PTPRO: variants seen among roughly 807,000 people sequenced by gnomAD.
PTPRO encodes the protein receptor-type tyrosine-protein phosphatase O.
Under a neutral mutation model 145.2 loss-of-function variants are expected in PTPRO, and 62 were observed. The ratio of observed to expected loss-of-function variants is 0.43; its 90% CI spans 0.35 to 0.53. PTPRO has a LOEUF of 0.53. Ranked by LOEUF, PTPRO falls within the 20% of genes least tolerant of loss-of-function variation. The probability of loss-of-function intolerance (pLI) is 0.01; values close to 1 mark genes in which losing one functional copy is unlikely to be tolerated. For missense variants in PTPRO, 1,345 were observed against 1,482.7 expected (o/e 0.91, Z 1.53); for synonymous variants, 565 against 514.7 (o/e 1.10, Z -1.32).
At chr12:15,569,553 G>T in intron 19 of PTPRO, 55 bp downstream of exon 19, 1 of 1,488,294 alleles carries the variant, frequency 6.7e-7, no homozygotes, top group Non-Finnish European at 9.4e-7. Context: ...CTGGGAATTG[G>T]GGGGTTTGTG....
Position 15,516,611 on chromosome 12 carries a change from G to GAGGA in PTPRO, c.1586-128_1586-125dup, listed in dbSNP as rs1219439083. 384 of 648,522 alleles carry GAGGA rather than the reference G, an allele frequency of 5.9e-4. 3 individuals carry two copies. In the African/African-American group the frequency reaches 6.6e-3, roughly 11 times the overall value. 40.2% of individuals were successfully genotyped at this position (648,522 alleles called of 1,614,324 possible). On this transcript the variant is annotated intron_variant, in intron 8 of 26. Transcript: ENST00000281171. ...AAGGAAGGGGAGGAAGCAAGAAAGG[G>GAGGA]AGGAAGGAAGGAAGGAAGGAAGGAA...
At position 15,597,213 on chromosome 12, in the gene PTPRO, TGTATAATTAC is replaced by T. The variant is rs1944676029; in HGVS notation, c.*1141_*1150del. On this transcript the variant is annotated 3_prime_UTR_variant, in exon 27 of 27. Transcript: ENST00000281171. The stretch of plus-strand genomic sequence containing the variant: ...TAGTAACATTTTATTCTTTGGATTT[TGTATAATTAC>T]AGTACATGATTGTGTATTGTGACAT... The T allele has an allele frequency of 6.6e-6, 1 of 152,276 alleles. No homozygotes were observed. The highest frequency in any genetic ancestry group is 2.4e-5 in the African/African-American group (1 of 41,474). The allele number at this position is 152,276 out of a possible 1,614,324, so 9.4% of individuals were successfully genotyped here. A position where few individuals can be genotyped will look rare whatever the true frequency, so the allele number is the denominator to read the frequency against.
intron 1 of PTPRO, among the ~76,000 whole-genome samples, chr12:15,433,526 AT>A (rs2136345482): frequency 6.6e-6 from 1 of 152,214 alleles, no homozygotes; most frequent in East Asian, 1.9e-4. Flanking sequence ...TCTTGAGTTG[AT>A]TTTTGTACAC....
chr12:15,358,861 T>C (rs904369677), intron 1 of PTPRO, among the ~76,000 whole-genome samples: 45 of 152,254 alleles, frequency 3.0e-4, no homozygotes, highest in African/African-American at 1.0e-3. Context: ...TCAGTTTTAG[T>C]TACATCTGCT....
chr12:15,483,060 A>G lies in PTPRO; in HGVS notation c.76-914A>G, dbSNP rs555759217. Among the ~76,000 whole-genome samples the G allele has an allele frequency of 2.0e-5, 3 of 152,226 alleles. No homozygotes were observed. In the East Asian group the frequency reaches 5.8e-4, roughly 29 times the overall value. On this transcript the variant is annotated intron_variant, in intron 1 of 26. Coordinates refer to ENST00000281171, the MANE Select transcript of PTPRO (RefSeq NM_030667.3). ...TCCCTGTAGATTCTTAACAAGTTTC[A>G]GCAATTTTTCCACCCTGCTATTATA...
intron 24 of PTPRO, among the ~76,000 whole-genome samples, chr12:15,588,220 T>C (rs1408218465): frequency 6.6e-6 from 1 of 152,202 alleles, no homozygotes; most frequent in Non-Finnish European, 1.5e-5. Context: ...GCTCACCCAA[T>C]GGCAGATCAT....
intron 1 of PTPRO, among the ~76,000 whole-genome samples, chr12:15,342,425 TC>T (rs573939236): frequency 6.6e-6 from 1 of 152,318 alleles, no homozygotes; most frequent in Non-Finnish European, 1.5e-5. Context: ...ATTTATTCTT[TC>T]TTTCTATGAA....
chr12:15,584,719 TTAATA>T (rs1944394778), intron 23 of PTPRO, among the ~76,000 whole-genome samples: 1 of 152,214 alleles, frequency 6.6e-6, no homozygotes, highest in South Asian at 2.1e-4. Context: ...GCTATGCTAA[TTAATA>T]TATTTTTCAA....
At chr12:15,537,952 C>T (rs1309021260) in intron 12 of PTPRO, among the ~76,000 whole-genome samples, 1 of 152,160 alleles carries the variant, frequency 6.6e-6, no homozygotes, top group African/African-American at 2.4e-5. Flanking sequence ...ATGGTTTCTT[C>T]TGATTGACTT....
At chr12:15,512,730 A>G (rs1942467798) in intron 7 of PTPRO, among the ~76,000 whole-genome samples, 2 of 152,194 alleles carry the variant, frequency 1.3e-5, no homozygotes, top group African/African-American at 2.4e-5. Flanking sequence ...ACGGCGGTTC[A>G]CGCCTGTAAT....
At chr12:15,426,389 C>T (rs1017647950) in intron 1 of PTPRO, among the ~76,000 whole-genome samples, 3 of 151,980 alleles carry the variant, frequency 2.0e-5, no homozygotes, top group Non-Finnish European at 4.4e-5. Context: ...GCAATGTTTA[C>T]ACTTTTTAAT....
At chr12:15,433,500 T>A (rs1940509981) in intron 1 of PTPRO, among the ~76,000 whole-genome samples, 1 of 152,168 alleles carries the variant, frequency 6.6e-6, no homozygotes, top group African/African-American at 2.4e-5. Flanking sequence ...GGCTTTACAT[T>A]TAAGTCTTTA....
intron 1 of PTPRO, among the ~76,000 whole-genome samples, chr12:15,375,858 T>C (rs1335171581): frequency 2.6e-5 from 4 of 151,638 alleles, no homozygotes; most frequent in Admixed American, 6.6e-5. Flanking sequence ...AATATTTGAG[T>C]TTACTCAACA....
At chr12:15,550,863 G>T (rs1397571450) in intron 14 of PTPRO, among the ~76,000 whole-genome samples, 1 of 152,172 alleles carries the variant, frequency 6.6e-6, no homozygotes, top group Non-Finnish European at 1.5e-5. Context: ...CTTCCGTGTA[G>T]TATGAAGAAG....
In PTPRO at chr12:15,365,700, T is replaced by C. The variant is rs183979037; in HGVS notation, c.75+42899T>C. On this transcript the variant is annotated intron_variant, in intron 1 of 26. Transcript: ENST00000281171. ...ATGTATTTAAAAACTAGTTCTTCTT[T>C]CTTCATTCTGTCTACAAGGAAAATC... Among the ~76,000 whole-genome samples the C allele has an allele frequency of 1.2e-4, 19 of 152,298 alleles. No individual in the cohort carries two copies. The East Asian group carries it at 2.7e-3, about 22-fold the overall frequency.
chr12:15,368,541 A>T (rs1938431811), intron 1 of PTPRO, among the ~76,000 whole-genome samples: 1 of 152,174 alleles, frequency 6.6e-6, no homozygotes, highest in Non-Finnish European at 1.5e-5. Context: ...CTACATCCAC[A>T]GCAGTTAGAA....
chr12:15,419,087 T>C (rs981359874), intron 1 of PTPRO, among the ~76,000 whole-genome samples: 1 of 151,406 alleles, frequency 6.6e-6, no homozygotes, highest in Admixed American at 6.6e-5. Context: ...TAAAAATAGG[T>C]GCGATTTGGA....
At chr12:15,500,462 A>G (rs1032754413) in intron 4 of PTPRO, among the ~76,000 whole-genome samples, 3 of 152,230 alleles carry the variant, frequency 2.0e-5, no homozygotes, top group Non-Finnish European at 4.4e-5. Context: ...AGTTGTTCTC[A>G]GTACTGAGAC....
chr12:15,430,250 A>G (rs1456372636), intron 1 of PTPRO, among the ~76,000 whole-genome samples: 1 of 151,896 alleles, frequency 6.6e-6, no homozygotes, highest in African/African-American at 2.4e-5. Context: ...AGAATCTGGG[A>G]CTTGAATCTA....
Sources: gnomAD v4.1 joint callset for allele counts (sites outside exome capture counted in the v4.1 genomes callset) on GRCh38, gnomAD v4.1.1 for gene constraint, MANE v1.5 for transcripts, NCBI Gene and HGNC (gene_info 2026-07-23, HGNC 2026-07-21) for gene names.